CAST: variants seen among roughly 807,000 people sequenced by gnomAD.
CAST encodes MIR583 host.
CAST carries 76 observed loss-of-function variants against 119.6 expected under a neutral mutation model. The observed-to-expected ratio is 0.64, with a 90% CI of 0.53 to 0.77. The LOEUF (loss-of-function observed/expected upper bound fraction) is 0.77. Ranked by LOEUF, CAST falls within the 30% of genes least tolerant of loss-of-function variation. The pLI is 0.00. For synonymous variants in CAST, 319 were observed against 331.6 expected, an observed-to-expected ratio of 0.96 and a Z score of 0.41; for missense variants, 953 against 946.5, an observed-to-expected ratio of 1.01 and a Z score of -0.09.
chr5:96,191,693 C>T, the CAST span, among the ~76,000 whole-genome samples: 70 of 152,290 alleles, frequency 4.6e-4, no homozygotes, highest in African/African-American at 1.7e-3. Flanking sequence ...CCTCAGTCTC[C>T]CGAGTAGCTG....
At chr5:96,342,039 A>C in the CAST span, among the ~76,000 whole-genome samples, 1 of 152,162 alleles carries the variant, frequency 6.6e-6, no homozygotes, top group South Asian at 2.1e-4. Context: ...TGTGAGACCA[A>C]ACTGAATCCA....
chr5:96,624,703 G>T (rs542680119), intron 1 of CAST, among the ~76,000 whole-genome samples: 1 of 152,240 alleles, frequency 6.6e-6, no homozygotes, highest in South Asian at 2.1e-4. Flanking sequence ...CAATAAAGAG[G>T]TATCTCTTTG....
the CAST span, among the ~76,000 whole-genome samples, chr5:96,105,958 T>A: frequency 6.6e-6 from 1 of 152,210 alleles, no homozygotes; most frequent in Admixed American, 6.5e-5. Context: ...CCTGGTTTAG[T>A]CTTGGGAGAG....
intron 1 of CAST, among the ~76,000 whole-genome samples, chr5:96,621,969 C>CTT (rs35728460): frequency 0.053 from 6,032 of 113,676 alleles, 408 homozygotes; most frequent in South Asian, 0.12. Flanking sequence ...CTTTTTTTCT[C>CTT]TTTTTTTTTT....
At chr5:96,602,317 A>G (rs1365662588) in intron 1 of CAST, among the ~76,000 whole-genome samples, 1 of 152,216 alleles carries the variant, frequency 6.6e-6, no homozygotes, top group Non-Finnish European at 1.5e-5. Flanking sequence ...CATTTCTACT[A>G]TGTGCTGGTC....
chr5:96,371,004 A>C, the CAST span, among the ~76,000 whole-genome samples: 1 of 152,166 alleles, frequency 6.6e-6, no homozygotes, highest in Non-Finnish European at 1.5e-5. Context: ...ATTTAAAGGA[A>C]ATGAAGAACA....
chr5:96,499,933 G>A, the CAST span, among the ~76,000 whole-genome samples: 84 of 152,076 alleles, frequency 5.5e-4, no homozygotes, highest in Non-Finnish European at 1.0e-3. Context: ...ACACTTAGAG[G>A]TCATCGTTGG....
At chr5:96,497,416 G>T in the CAST span, among the ~76,000 whole-genome samples, 2,342 of 152,182 alleles carry the variant, frequency 0.015, 64 homozygotes, top group African/African-American at 0.055. Flanking sequence ...TCTAGTTGTA[G>T]ATCCCTGAGG....
At chr5:96,314,461 G>A in the CAST span, among the ~76,000 whole-genome samples, 2 of 152,220 alleles carry the variant, frequency 1.3e-5, no homozygotes, top group Non-Finnish European at 2.9e-5. Flanking sequence ...AGGTGAAGCT[G>A]AGCAAATGGG....
In CAST at chr5:96,757,431, C is replaced by T. The variant is rs1023047007; in HGVS notation, c.1711-13C>T. The T allele has an allele frequency of 2.8e-5, 45 of 1,608,500 alleles. No homozygotes were observed. Among genetic ancestry groups the T allele is most frequent in the Non-Finnish European group, 3.6e-5 (42 of 1,175,216 alleles). ...AAAATGATTTCATGCCATGTGTTTT[C>T]CCCCCCGGATAGGATAAAGATGGAA... On this transcript the variant is annotated splice_polypyrimidine_tract_variant and intron_variant, in intron 22 of 31. Coordinates refer to ENST00000675179, the MANE Select transcript of CAST (RefSeq NM_001750.7).
At chr5:96,382,046 G>A in the CAST span, among the ~76,000 whole-genome samples, 1 of 152,168 alleles carries the variant, frequency 6.6e-6, no homozygotes. Flanking sequence ...AAACAGAAGA[G>A]TGAAAAAGGT....
At chr5:96,434,322 G>A in the CAST span, among the ~76,000 whole-genome samples, 4 of 152,196 alleles carry the variant, frequency 2.6e-5, no homozygotes, top group Non-Finnish European at 4.4e-5. Context: ...TCAGCACCGA[G>A]GTCTGGACAG....
chr5:96,524,657 C>G (rs1481624881), upstream of CAST, among the ~76,000 whole-genome samples: 1 of 152,108 alleles, frequency 6.6e-6, no homozygotes, highest in Admixed American at 6.5e-5. Flanking sequence ...GCAAGGGGAA[C>G]CCAAAACTAG....
chr5:96,626,353 CCT>C (rs1160786650), intron 1 of CAST, among the ~76,000 whole-genome samples: 2 of 152,162 alleles, frequency 1.3e-5, no homozygotes, highest in Non-Finnish European at 2.9e-5. Context: ...TAGGTAAGGT[CCT>C]CTCTCATCTA....
chr5:96,142,017 G>A, the CAST span, among the ~76,000 whole-genome samples: 3 of 152,196 alleles, frequency 2.0e-5, no homozygotes, highest in African/African-American at 7.2e-5. Context: ...AAATGCCCAT[G>A]CTTAGGAGAA....
chr5:95,991,492 GTTTTGT>G, the CAST span, among the ~76,000 whole-genome samples: 1 of 123,316 alleles, frequency 8.1e-6, no homozygotes, highest in African/African-American at 3.0e-5. Flanking sequence ...TTAACAACAA[GTTTTGT>G]TTTTTTTTTT....
chr5:96,065,400 T>C, the CAST span, among the ~76,000 whole-genome samples: 1 of 88,002 alleles, frequency 1.1e-5, no homozygotes, highest in Admixed American at 1.1e-4. Context: ...TGGTTAATGA[T>C]CTGTGTGTGT....
chr5:96,649,728 G>A (rs1228887695), intron 1 of CAST, among the ~76,000 whole-genome samples: 1 of 152,216 alleles, frequency 6.6e-6, no homozygotes. Context: ...TGAAAATTAT[G>A]TTCATCCTGC....
intron 1 of CAST, among the ~76,000 whole-genome samples, chr5:96,570,007 G>C (rs1266639010): frequency 6.6e-6 from 1 of 152,172 alleles, no homozygotes; most frequent in Non-Finnish European, 1.5e-5. Context: ...CCATCTGACT[G>C]ACATCATAGT....
Sources: gnomAD v4.1 joint callset for allele counts (sites outside exome capture counted in the v4.1 genomes callset) on GRCh38, gnomAD v4.1.1 for gene constraint, MANE v1.5 for transcripts, NCBI Gene and HGNC (gene_info 2026-07-23, HGNC 2026-07-21) for gene names.